The following CELF2 variants were observed in gnomAD, a reference collection of about 807,000 sequenced individuals.
CELF2 encodes CUGBP Elav-like family member 2.
A neutral mutation model predicts 62.6 loss-of-function variants in CELF2; 8 were observed. The ratio of observed to expected loss-of-function variants is 0.13; its 90% CI spans 0.07 to 0.23. The LOEUF (loss-of-function observed/expected upper bound fraction) is 0.23, where lower values mean the gene tolerates loss of function less well. Ranked by LOEUF, CELF2 falls within the 10% of genes least tolerant of loss-of-function variation. The pLI is 1.00. For synonymous variants in CELF2, 258 were observed against 250.0 expected (o/e 1.03, Z -0.30); for missense variants, 333 against 671.0 (o/e 0.50, Z 5.56).
intron 1 of CELF2, among the ~76,000 whole-genome samples, chr10:11,138,271 T>A (rs927508): frequency 0.044 from 6,688 of 152,250 alleles, 162 homozygotes; most frequent in Middle Eastern, 0.048. Flanking sequence ...AAATATTAGA[T>A]CATTTCTAAA....
At chr10:10,567,968 A>G in the CELF2 span, among the ~76,000 whole-genome samples, 10 of 152,302 alleles carry the variant, frequency 6.6e-5, no homozygotes, top group East Asian at 1.9e-3. Context: ...CAATGAACAA[A>G]GCTGACCACA....
intron 2 of CELF2, among the ~76,000 whole-genome samples, chr10:11,193,801 T>C (rs1222520355): frequency 3.9e-5 from 6 of 152,238 alleles, no homozygotes; most frequent in African/African-American, 7.2e-5. Flanking sequence ...GGAATAGCTT[T>C]TCCAAGAAAT....
the CELF2 span, among the ~76,000 whole-genome samples, chr10:10,614,083 A>T: frequency 6.6e-6 from 1 of 152,164 alleles, no homozygotes; most frequent in African/African-American, 2.4e-5. Context: ...TGGAGAATTC[A>T]TGAGAGTGGG....
intron 4 of CELF2, among the ~76,000 whole-genome samples, chr10:11,251,535 G>A (rs1345533147): frequency 1.3e-5 from 2 of 151,944 alleles, no homozygotes; most frequent in Non-Finnish European, 2.9e-5. Flanking sequence ...AGGATAAGAC[G>A]GTTACCTGAA....
At chr10:10,516,869 T>G in the CELF2 span, among the ~76,000 whole-genome samples, 3 of 152,264 alleles carry the variant, frequency 2.0e-5, no homozygotes, top group Admixed American at 6.5e-5. Flanking sequence ...AGACAATCCC[T>G]CTCAGCCTGC....
chr10:11,126,942 A>G (rs936708355), intron 1 of CELF2, among the ~76,000 whole-genome samples: 1 of 151,850 alleles, frequency 6.6e-6, no homozygotes, highest in South Asian at 2.1e-4. Context: ...ACATGTGCAC[A>G]ATGTGCAGGT....
intron 2 of CELF2, among the ~76,000 whole-genome samples, chr10:10,985,569 G>C (rs1361665323): frequency 6.6e-6 from 1 of 152,210 alleles, no homozygotes; most frequent in Admixed American, 6.5e-5. Flanking sequence ...TCTTTTACAA[G>C]TTTCCTTTTG....
chr10:10,891,276 G>A lies in CELF2; in HGVS notation c.54-28688G>A, dbSNP rs143652229. Reference sequence around the variant, plus strand: ...TATAAATCCTTAGCCAAATAAGGGCGTCTGGGGAGCAAGCAACACTAACTT... The same window carrying A: ...TATAAATCCTTAGCCAAATAAGGGCATCTGGGGAGCAAGCAACACTAACTT... On this transcript the variant is annotated intron_variant, in intron 1 of 13. Transcript: ENST00000636488. Among the ~76,000 whole-genome samples the A allele has an allele frequency of 1.7e-3, 265 of 152,144 alleles. 1 individual carries two copies. Among genetic ancestry groups the A allele is most frequent in the East Asian group, 5.6e-3 (29 of 5,184 alleles).
intron 1 of CELF2, among the ~76,000 whole-genome samples, chr10:11,066,098 A>C (rs2068081356): frequency 6.6e-6 from 1 of 152,178 alleles, no homozygotes. Context: ...GGCCACCGGA[A>C]GTGGGGTCCC....
At chr10:11,033,449 G>A (rs1207034783) in intron 1 of CELF2, among the ~76,000 whole-genome samples, 2 of 152,028 alleles carry the variant, frequency 1.3e-5, no homozygotes, top group Admixed American at 1.3e-4. Flanking sequence ...TAGAGTCAGG[G>A]TTTCTCTATG....
the CELF2 span, among the ~76,000 whole-genome samples, chr10:10,470,257 T>C: frequency 6.6e-6 from 1 of 151,896 alleles, no homozygotes; most frequent in Non-Finnish European, 1.5e-5. Context: ...TTAGCATTAA[T>C]AGTTTGTGTC....
At chr10:10,476,606 A>G in the CELF2 span, among the ~76,000 whole-genome samples, 1 of 152,134 alleles carries the variant, frequency 6.6e-6, no homozygotes, top group East Asian at 1.9e-4. Context: ...CACTAAATAT[A>G]CTTGTTGGCA....
At chr10:11,155,738 C>T (rs1414930912) in intron 1 of CELF2, among the ~76,000 whole-genome samples, 2 of 152,174 alleles carry the variant, frequency 1.3e-5, no homozygotes, top group African/African-American at 2.4e-5. Flanking sequence ...AATTAGCTCC[C>T]ATGGACTGTC....
the CELF2 span, among the ~76,000 whole-genome samples, chr10:10,618,293 T>G: frequency 1.3e-5 from 2 of 152,068 alleles, no homozygotes; most frequent in African/African-American, 2.4e-5. Context: ...CCAGGCTGCT[T>G]CTTCCCATCC....
chr10:10,826,901 T>C (rs2057434843), intron 1 of CELF2, among the ~76,000 whole-genome samples: 1 of 152,164 alleles, frequency 6.6e-6, no homozygotes, highest in Non-Finnish European at 1.5e-5. Context: ...GAGATGTGGA[T>C]GTCTTAATGT....
At chr10:11,199,994 G>T (rs1298404000) in intron 2 of CELF2, among the ~76,000 whole-genome samples, 5 of 152,204 alleles carry the variant, frequency 3.3e-5, no homozygotes, top group Admixed American at 3.3e-4. Context: ...GTGCTCCAGA[G>T]AGTAGATTTC....
chr10:11,230,577 G>A (rs1421556086), intron 3 of CELF2, among the ~76,000 whole-genome samples: 3 of 152,304 alleles, frequency 2.0e-5, no homozygotes, highest in East Asian at 1.9e-4. Flanking sequence ...GGTGGAGTAG[G>A]GCAGCCTGAC....
the CELF2 span, among the ~76,000 whole-genome samples, chr10:10,763,355 T>G: frequency 6.6e-6 from 1 of 152,200 alleles, no homozygotes; most frequent in Admixed American, 6.5e-5. Flanking sequence ...TGATGTGGTC[T>G]GTGACATACA....
chr10:11,194,063 T>G (rs1223836045), intron 2 of CELF2, among the ~76,000 whole-genome samples: 1 of 152,070 alleles, frequency 6.6e-6, no homozygotes. Context: ...TTTTAAAAAT[T>G]TTTTATTTTA....
Sources: gnomAD v4.1 joint callset for allele counts (sites outside exome capture counted in the v4.1 genomes callset) on GRCh38, gnomAD v4.1.1 for gene constraint, MANE v1.5 for transcripts, NCBI Gene and HGNC (gene_info 2026-07-23, HGNC 2026-07-21) for gene names.